LAPTM4B: variants seen among roughly 807,000 people sequenced by gnomAD.
The protein encoded by LAPTM4B is lysosomal protein transmembrane 4 beta.
A neutral mutation model predicts 28.5 loss-of-function variants in LAPTM4B; 26 were observed. The ratio of observed to expected loss-of-function variants is 0.91; its 90% CI spans 0.67 to 1.27. The LOEUF (loss-of-function observed/expected upper bound fraction) is 1.27, where lower values mean the gene tolerates loss of function less well. LAPTM4B is among the 50% of genes most tolerant of loss of function. The pLI, the probability that LAPTM4B is intolerant of heterozygous loss-of-function variation, is 0.00. For missense variants in LAPTM4B, 288 were observed against 285.8 expected, an observed-to-expected ratio of 1.01 and a Z score of -0.06; for synonymous variants, 109 against 106.4, an observed-to-expected ratio of 1.02 and a Z score of -0.15.
chr8:97,832,853 C>T lies in LAPTM4B; in HGVS notation c.603+7700C>T, dbSNP rs777038342. On this transcript the variant is annotated intron_variant, in intron 6 of 6. Transcript: ENST00000521545. The stretch of plus-strand genomic sequence containing the variant: ...TTCTGAGTAGCTGGGATTACAGGTG[C>T]GCACCGCCACGCCTGGCTGATTTTT... Among the ~76,000 whole-genome samples the T allele has an allele frequency of 1.7e-4, 26 of 149,648 alleles. No individual in the cohort carries two copies. The East Asian group carries it at 3.2e-3, about 18-fold the overall frequency.
At chr8:97,840,613 G>C (rs1201180469) in intron 6 of LAPTM4B, among the ~76,000 whole-genome samples, 2 of 148,840 alleles carry the variant, frequency 1.3e-5, no homozygotes, top group Non-Finnish European at 2.9e-5. Flanking sequence ...ACCTCTTACT[G>C]TGAGGTACTG....
chr8:97,781,366 G>A (rs959797815), intron 1 of LAPTM4B, among the ~76,000 whole-genome samples: 4 of 131,440 alleles, frequency 3.0e-5, no homozygotes, highest in Non-Finnish European at 6.2e-5. Flanking sequence ...TGCAACCTTC[G>A]CCTCCTGGGT....
At chr8:97,825,566 A>G (rs1240995601) in intron 6 of LAPTM4B, among the ~76,000 whole-genome samples, 2 of 152,250 alleles carry the variant, frequency 1.3e-5, no homozygotes, top group Non-Finnish European at 2.9e-5. Flanking sequence ...GGTAAAAAAG[A>G]ACTGCAAAGT....
At chr8:97,795,674 G>A (rs548144964) in intron 1 of LAPTM4B, among the ~76,000 whole-genome samples, 6 of 151,800 alleles carry the variant, frequency 4.0e-5, no homozygotes, top group Non-Finnish European at 8.8e-5. Flanking sequence ...CCAACATGGT[G>A]AAACCCTGTC....
chr8:97,776,009 G>A lies in LAPTM4B; in HGVS notation c.-1G>A, dbSNP rs1393254694. On this transcript the variant is annotated 5_prime_UTR_variant, in exon 1 of 7. Transcript: ENST00000521545. The stretch of plus-strand genomic sequence containing the variant: ...GCGCTCGCGCCACTGCGCCCGGAGC[G>A]ATGAAGATGGTCGCGCCCTGGACGC... 10 of 1,574,754 alleles carry A rather than the reference G, an allele frequency of 6.4e-6. No individual in the cohort carries two copies. The highest frequency in any genetic ancestry group is 7.7e-6 in the Non-Finnish European group (9 of 1,165,652).
At chr8:97,797,385 A>G (rs6985274) in intron 1 of LAPTM4B, among the ~76,000 whole-genome samples, 72,585 of 151,978 alleles carry the variant, frequency 0.48, 17,927 homozygotes, top group African/African-American at 0.59. Context: ...CTCCTGCCTC[A>G]TCCTCCCAAA....
rs374872470 is a variant in LAPTM4B at position 97,825,091 on chromosome 8, C to T, written c.541C>T (p.Arg181Ter). The T allele has an allele frequency of 1.2e-5, 19 of 1,611,024 alleles. No homozygotes were observed. Among genetic ancestry groups the T allele is most frequent in the East Asian group, 4.5e-5 (2 of 44,842 alleles). Residue 181 changes from arginine (R) to a stop codon, truncating the protein, a stop_gained, in exon 6 of 7, where the codon CGA (arginine) becomes TGA (stop). Coordinates refer to ENST00000521545, the MANE Select transcript of LAPTM4B (RefSeq NM_018407.6). LOFTEE classifies it high-confidence loss of function. ...GATTAGCTGTGTTTGGAACTGCTAC[C>T]GATACATCAATGGTAGGAACTCCTC... ...YLISCVWNCY[R>*]YINGRNSSDV...
Position 97,851,883 on chromosome 8 carries a change from A to G in LAPTM4B, c.*409A>G, listed in dbSNP as rs190535578. The G allele has an allele frequency of 5.6e-6, 1 of 178,152 alleles. No individual in the cohort carries two copies. The highest frequency in any genetic ancestry group is 1.6e-4 in the East Asian group (1 of 6,428). The allele number at this position is 178,152 out of a possible 1,614,324, so 11.0% of individuals were successfully genotyped here. A position where few individuals can be genotyped will look rare whatever the true frequency, so the allele number is the denominator to read the frequency against. Reference sequence around the variant, plus strand: ...TTCTTCAGCCATTCCAGCATAGAGAACAAAACCTTATGGAAACAGGAATGT... The same window carrying G: ...TTCTTCAGCCATTCCAGCATAGAGAGCAAAACCTTATGGAAACAGGAATGT... On this transcript the variant is annotated 3_prime_UTR_variant, in exon 7 of 7. Transcript: ENST00000521545.
intron 6 of LAPTM4B, among the ~76,000 whole-genome samples, chr8:97,841,410 C>T (rs1201527677): frequency 6.6e-6 from 1 of 152,216 alleles, no homozygotes; most frequent in East Asian, 1.9e-4. Flanking sequence ...TTACTGCAAC[C>T]TCCACCTCCT....
chr8:97,829,389 T>C (rs555741498), intron 6 of LAPTM4B, among the ~76,000 whole-genome samples: 1 of 152,114 alleles, frequency 6.6e-6, no homozygotes, highest in East Asian at 1.9e-4. Context: ...TAAAGACTGT[T>C]TGTGATGAGA....
chr8:97,826,112 C>T (rs1298893357), intron 6 of LAPTM4B, among the ~76,000 whole-genome samples: 2 of 152,144 alleles, frequency 1.3e-5, no homozygotes, highest in South Asian at 2.1e-4. Flanking sequence ...TAAAATGAGA[C>T]TAAAACAGTT....
rs144301657 is a variant in LAPTM4B, at chr8:97,833,905, A to G, written c.603+8752A>G. On this transcript the variant is annotated intron_variant, in intron 6 of 6. Transcript: ENST00000521545. Reference sequence around the variant, plus strand: ...GCTTTCCCTCATGTACTATTTGGCTACCCATTGTATTTGTGACATGGATAA... The same window carrying G: ...GCTTTCCCTCATGTACTATTTGGCTGCCCATTGTATTTGTGACATGGATAA... Among the ~76,000 whole-genome samples, 5 of 152,196 alleles carry G rather than the reference A, an allele frequency of 3.3e-5. No homozygotes were observed. The East Asian group carries it at 9.6e-4, about 29-fold the overall frequency.
At chr8:97,780,157 G>A (rs369620002) in intron 1 of LAPTM4B, among the ~76,000 whole-genome samples, 1 of 152,044 alleles carries the variant, frequency 6.6e-6, no homozygotes, top group East Asian at 1.9e-4. Context: ...GGGTACGGTG[G>A]CTCATACCTG....
intron 1 of LAPTM4B, among the ~76,000 whole-genome samples, chr8:97,792,064 A>G (rs1464116719): frequency 3.9e-5 from 6 of 152,146 alleles, no homozygotes; most frequent in South Asian, 2.1e-4. Flanking sequence ...TGAGGCTCTA[A>G]TAAAAGATAC....
intron 2 of LAPTM4B, among the ~76,000 whole-genome samples, chr8:97,811,952 C>G (rs189183276): frequency 2.0e-4 from 31 of 151,958 alleles, no homozygotes; most frequent in Non-Finnish European, 3.8e-4. Context: ...ACCATAGGTG[C>G]GTACCACCAT....
chr8:97,807,711 C>G (rs756477532), intron 2 of LAPTM4B, among the ~76,000 whole-genome samples: 2 of 152,026 alleles, frequency 1.3e-5, no homozygotes, highest in Non-Finnish European at 2.9e-5. Flanking sequence ...GGGCCCAGAA[C>G]TGAGCCCTGA....
intron 5 of LAPTM4B, among the ~76,000 whole-genome samples, chr8:97,822,435 C>A (rs115910023): frequency 0.043 from 6,534 of 151,580 alleles, 188 homozygotes; most frequent in Admixed American, 0.08. Flanking sequence ...CTTTTTAAAT[C>A]TTTTAAACAT....
intron 1 of LAPTM4B, among the ~76,000 whole-genome samples, chr8:97,805,009 GT>G (rs1183461037): frequency 6.6e-6 from 1 of 152,328 alleles, no homozygotes; most frequent in Non-Finnish European, 1.5e-5. Context: ...TCACTGGAAA[GT>G]TTTTGTGCTT....
intron 2 of LAPTM4B, among the ~76,000 whole-genome samples, chr8:97,805,684 G>T (rs1816748882): frequency 6.6e-6 from 1 of 150,706 alleles, no homozygotes; most frequent in Non-Finnish European, 1.5e-5. Context: ...ACTTAAAAAT[G>T]ATTGCATTAT....
Sources: allele counts gnomAD v4.1 joint callset (sites outside exome capture counted in the v4.1 genomes callset), GRCh38; gene constraint gnomAD v4.1.1; transcripts MANE v1.5; gene names NCBI Gene and HGNC (gene_info 2026-07-23, HGNC 2026-07-21).